Variants in ARHGAP44 observed in about 807,000 individuals in gnomAD.
ARHGAP44 encodes Rho GTPase activating protein 44.
A neutral mutation model predicts 106.8 loss-of-function variants in ARHGAP44; 43 were observed. That is an observed-to-expected ratio of 0.40 (90% CI 0.32 to 0.52). The LOEUF (loss-of-function observed/expected upper bound fraction) is 0.52, where lower values mean the gene tolerates loss of function less well. Among genes scored for constraint, ARHGAP44 ranks in the 20% least tolerant of loss-of-function variants. The pLI is 0.48. For missense variants in ARHGAP44, 866 were observed against 1,050.5 expected (o/e 0.82, Z 2.43); for synonymous variants, 439 against 410.3 (o/e 1.07, Z -0.85).
intron 6 of ARHGAP44, among the ~76,000 whole-genome samples, chr17:12,926,101 A>G (rs1481954255): frequency 6.6e-6 from 1 of 152,136 alleles, no homozygotes; most frequent in Non-Finnish European, 1.5e-5. Context: ...ACGGTGGCTC[A>G]CGCCTATAAT....
rs2034573862 is a variant in ARHGAP44 at position 12,815,525 on chromosome 17, A to G, written c.53+25634A>G. Among the ~76,000 whole-genome samples, 3 of 152,182 alleles carry G rather than the reference A, an allele frequency of 2.0e-5. No individual in the cohort carries two copies. In the South Asian group the frequency reaches 6.2e-4, roughly 31 times the overall value. Reference sequence around the variant, plus strand: ...AATGTTATGATCCCTGAGGAAAATGATAGATTTTTAAACTATTATGAAATT... The same window carrying G: ...AATGTTATGATCCCTGAGGAAAATGGTAGATTTTTAAACTATTATGAAATT... On this transcript the variant is annotated intron_variant, in intron 1 of 20. Coordinates refer to ENST00000379672, the MANE Select transcript of ARHGAP44 (RefSeq NM_014859.6).
intron 5 of ARHGAP44, among the ~76,000 whole-genome samples, chr17:12,918,845 TGGGGGCAA>T (rs1214808707): frequency 3.3e-5 from 5 of 151,872 alleles, no homozygotes; most frequent in African/African-American, 4.8e-5. Flanking sequence ...GGGCGGGAGT[TGGGGGCAA>T]GGTGAGGGCA....
At chr17:12,955,076 A>G (rs960756686) in intron 13 of ARHGAP44, among the ~76,000 whole-genome samples, 1 of 152,148 alleles carries the variant, frequency 6.6e-6, no homozygotes, top group African/African-American at 2.4e-5. Context: ...AGATCTGCCT[A>G]TTCTAGGCAT....
intron 3 of ARHGAP44, among the ~76,000 whole-genome samples, chr17:12,901,471 G>A (rs545176537): frequency 6.3e-4 from 96 of 152,244 alleles, no homozygotes; most frequent in South Asian, 2.1e-3. Context: ...GAAGTGAGAG[G>A]CCAGTTACAC....
chr17:12,809,890 G>T (rs546504865), intron 1 of ARHGAP44, among the ~76,000 whole-genome samples: 3 of 152,302 alleles, frequency 2.0e-5, no homozygotes, highest in Non-Finnish European at 1.5e-5. Flanking sequence ...AAGGGTGCTT[G>T]TGCCAGTCAC....
chr17:12,939,329 A>T (rs1182043638), intron 7 of ARHGAP44, among the ~76,000 whole-genome samples: 1 of 152,160 alleles, frequency 6.6e-6, no homozygotes, highest in Non-Finnish European at 1.5e-5. Context: ...GGTAACAGAC[A>T]GATAAGATCC....
chr17:12,960,505 G>T lies in ARHGAP44; in HGVS notation c.1523+1608G>T, dbSNP rs372954286. ...CACTTGAACCTGGGAGGTGGAGGTT[G>T]CAGTGAGCTGAGATCGTGCCATTGC... On this transcript the variant is annotated intron_variant, in intron 16 of 20. Transcript: ENST00000379672. 5.3e-5 allele frequency among the ~76,000 whole-genome samples: 8 copies of T among 151,998 alleles called. No individual in the cohort carries two copies. The East Asian group carries it at 1.4e-3, about 26-fold the overall frequency.
intron 1 of ARHGAP44, among the ~76,000 whole-genome samples, chr17:12,847,369 T>G (rs2035597860): frequency 6.6e-6 from 1 of 152,112 alleles, no homozygotes; most frequent in African/African-American, 2.4e-5. Context: ...TAAGCTACCA[T>G]TTATGATGCT....
chr17:12,894,771 GTTTT>G (rs60408268), intron 1 of ARHGAP44, among the ~76,000 whole-genome samples, 165 bp from the exon 2 acceptor site: 1,729 of 152,180 alleles, frequency 0.011, 29 homozygotes, highest in African/African-American at 0.039. Flanking sequence ...TGGTGTGTTG[GTTTT>G]TTAAGTTTCC....
intron 1 of ARHGAP44, among the ~76,000 whole-genome samples, chr17:12,867,724 CAG>C (rs1436592600): frequency 1.3e-5 from 2 of 152,066 alleles, no homozygotes. Flanking sequence ...TTTTCAATGA[CAG>C]ATATCAAGGA....
intron 1 of ARHGAP44, among the ~76,000 whole-genome samples, chr17:12,863,021 C>T (rs2036133154): frequency 6.6e-6 from 1 of 151,694 alleles, no homozygotes; most frequent in Non-Finnish European, 1.5e-5. Context: ...AGCACAATGT[C>T]TCATGGCTAT....
intron 16 of ARHGAP44, among the ~76,000 whole-genome samples, chr17:12,972,881 T>C (rs1045969633): frequency 3.3e-5 from 5 of 151,940 alleles, no homozygotes; most frequent in African/African-American, 1.2e-4. Flanking sequence ...CAGGATGGTC[T>C]CAATCTCCTG....
At chr17:12,957,166 C>G (rs2039150957) in intron 15 of ARHGAP44, among the ~76,000 whole-genome samples, 1 of 152,164 alleles carries the variant, frequency 6.6e-6, no homozygotes, top group Admixed American at 6.5e-5. Flanking sequence ...CCATGTCGCT[C>G]AGGCTGGTCT....
chr17:12,807,828 G>T (rs543245430), intron 1 of ARHGAP44, among the ~76,000 whole-genome samples: 1 of 152,158 alleles, frequency 6.6e-6, no homozygotes, highest in Non-Finnish European at 1.5e-5. Context: ...ACTCATTTCA[G>T]CATTAACTCA....
chr17:12,889,435 C>T (rs1215614842), intron 1 of ARHGAP44, among the ~76,000 whole-genome samples: 1 of 152,100 alleles, frequency 6.6e-6, no homozygotes, highest in African/African-American at 2.4e-5. Flanking sequence ...CAAGAGGGGG[C>T]CAACCTTGTC....
At chr17:12,884,437 C>T (rs186809199) in intron 1 of ARHGAP44, among the ~76,000 whole-genome samples, 1 of 152,312 alleles carries the variant, frequency 6.6e-6, no homozygotes, top group African/African-American at 2.4e-5. Flanking sequence ...TTAACAAAAT[C>T]TGCTAAGAGC....
chr17:12,891,832 T>A (rs2150913737), intron 1 of ARHGAP44, among the ~76,000 whole-genome samples: 1 of 151,492 alleles, frequency 6.6e-6, no homozygotes, highest in Non-Finnish European at 1.5e-5. Context: ...CTCACTCTTG[T>A]CACCTAGGCT....
chr17:12,934,339 C>T (rs977502977), intron 7 of ARHGAP44, among the ~76,000 whole-genome samples: 41 of 152,164 alleles, frequency 2.7e-4, no homozygotes, highest in Non-Finnish European at 2.8e-4. Flanking sequence ...CTCATTTTGT[C>T]CTCCCCACAA....
At chr17:12,983,466 T>C (rs1382131982) in intron 19 of ARHGAP44, among the ~76,000 whole-genome samples, 1 of 152,110 alleles carries the variant, frequency 6.6e-6, no homozygotes, top group Non-Finnish European at 1.5e-5. Context: ...AAAAGGATAA[T>C]GAAGGTAAGG....
Sources: gnomAD v4.1 joint callset for allele counts (sites outside exome capture counted in the v4.1 genomes callset) on GRCh38, gnomAD v4.1.1 for gene constraint, MANE v1.5 for transcripts, NCBI Gene and HGNC (gene_info 2026-07-23, HGNC 2026-07-21) for gene names.